NPHP3: variants seen among roughly 807,000 people sequenced by gnomAD.
NPHP3 encodes nephrocystin 3, also known as nephrocystin-3.
In NPHP3, 123 loss-of-function variants were observed where a neutral mutation model predicts 171.9. That is an observed-to-expected ratio of 0.72 (90% CI 0.62 to 0.83). NPHP3 has a LOEUF of 0.83. Ranked by LOEUF, NPHP3 falls within the 40% of genes least tolerant of loss-of-function variation. NPHP3 has a pLI of 0.00. For synonymous variants in NPHP3, 558 were observed against 579.2 expected (o/e 0.96, Z 0.52); for missense variants, 1,506 against 1,591.9 (o/e 0.95, Z 0.92).
At chr3:132,694,377 GTT>G (rs1491341290) in intron 16 of NPHP3, among the ~76,000 whole-genome samples, 75 of 121,404 alleles carry the variant, frequency 6.2e-4, no homozygotes, top group African/African-American at 2.1e-3. Flanking sequence ...GTGTGTGTGT[GTT>G]TACACACACA....
intron 6 of NPHP3, among the ~76,000 whole-genome samples, chr3:132,711,741 A>G (rs944777247): frequency 1.8e-4 from 27 of 152,220 alleles, no homozygotes; most frequent in Non-Finnish European, 3.1e-4. Context: ...AAGTAATAAG[A>G]TAAGATATAT....
At position 132,681,611 on chromosome 3, in the gene NPHP3, C is replaced by A; in HGVS notation, c.*299G>T. The A allele has an allele frequency of 2.8e-6, 1 of 356,204 alleles. No individual in the cohort carries two copies. 22.1% of individuals were successfully genotyped at this position (356,204 alleles called of 1,614,324 possible). On this transcript the variant is annotated 3_prime_UTR_variant, in exon 27 of 27. Transcript: ENST00000337331. ...GAACTCCTTGTCTTAACTACTCTGCCAGCTCTTGTTGAACAAAGACCAATC... is the reference window on the plus strand; with the variant it reads ...GAACTCCTTGTCTTAACTACTCTGCAAGCTCTTGTTGAACAAAGACCAATC...
intron 22 of NPHP3, 148 bp downstream of exon 22, chr3:132,687,003 C>A: frequency 1.8e-6 from 1 of 559,058 alleles, no homozygotes; most frequent in Non-Finnish European, 3.2e-6. Flanking sequence ...GATATTTTAA[C>A]ACATAAATAA....
chr3:132,687,283 G>T (rs928075551), intron 21 of NPHP3, 57 bp from the exon 22 acceptor site: 5 of 797,570 alleles, frequency 6.3e-6, no homozygotes, highest in Non-Finnish European at 1.1e-5. Context: ...GTATACTTCA[G>T]TGAAATGAAA....
intron 15 of NPHP3, 49 bp from the exon 16 acceptor site, chr3:132,695,014 G>C (rs761770862): frequency 1.2e-6 from 2 of 1,600,646 alleles, no homozygotes; most frequent in Non-Finnish European, 1.7e-6. Flanking sequence ...GCCAACATCT[G>C]TGAAAATTTT....
chr3:132,694,874 T>G lies in NPHP3; in HGVS notation c.2263A>C (p.Ile755Leu), dbSNP rs772613405. 8.7e-6 allele frequency: 14 copies of G among 1,613,682 alleles called. No individual in the cohort carries two copies. The highest frequency in any genetic ancestry group is 2.7e-5 in the African/African-American group (2 of 74,918). Reference protein sequence around the residue: ...LSLYRLVLHSIRESMANDVDK... With the variant: ...LSLYRLVLHSLRESMANDVDK... Reference sequence around the variant, plus strand: ...ACATCATTTGCCATGGACTCCCGGATAGAGTGCAGAACAAGTCTATATAAT... The same window carrying G: ...ACATCATTTGCCATGGACTCCCGGAGAGAGTGCAGAACAAGTCTATATAAT... Residue 755 changes from isoleucine to leucine, a missense_variant, in exon 16 of 27, where the codon ATC (isoleucine) becomes CTC (leucine). Ile to Leu is a conservative substitution (Grantham distance 5). This residue lies in a region of NPHP3 where 930 missense variants were observed against 924.9 expected (regional missense o/e 1.01). Transcript: ENST00000337331.
Position 132,704,183 on chromosome 3 carries a change from A to G in NPHP3, c.1524+15T>C. 6.2e-7 allele frequency: 1 copy of G among 1,613,020 alleles called. No individual in the cohort carries two copies. Among genetic ancestry groups the G allele is most frequent in the East Asian group, 2.2e-5 (1 of 44,868 alleles). ...GGTGACAGATCTTTGTTGCAATAAT[A>G]CTCCAAGCACTTACTTTCTCAAATC... On this transcript the variant is annotated intron_variant, in intron 9 of 26. Transcript: ENST00000337331.
At chr3:132,684,942 C>G in intron 23 of NPHP3, 148 bp from the exon 24 acceptor site, 1 of 904,086 alleles carries the variant, frequency 1.1e-6, no homozygotes, top group Non-Finnish European at 1.7e-6. Flanking sequence ...CTTTCCCCCT[C>G]TTCCCCACCC....
At position 132,686,408 on chromosome 3, in the gene NPHP3, G is replaced by A. The variant is rs1399622842; in HGVS notation, c.3202-21C>T. 3.1e-6 allele frequency: 5 copies of A among 1,613,552 alleles called. No individual in the cohort carries two copies. In the East Asian group the frequency reaches 1.1e-4, roughly 36 times the overall value. On this transcript the variant is annotated intron_variant, in intron 22 of 26. Coordinates refer to ENST00000337331, the MANE Select transcript of NPHP3 (RefSeq NM_153240.5). ...CCGTACTGCAGCAAACATGAAAAAT[G>A]AAAAGCAATCACTAAGTAGGTGCAA...
Position 132,705,760 on chromosome 3 carries a change from C to T in NPHP3, c.1330G>A (p.Val444Ile), listed in dbSNP as rs921931732. Residue 444 changes from valine (V) to isoleucine (I), a missense_variant, in exon 8 of 27, where the codon GTA (valine) becomes ATA (isoleucine). Val to Ile is a conservative substitution (Grantham distance 29, BLOSUM62 3). Around this residue, in one of 3 missense-constraint regions of NPHP3, gnomAD observed 930 missense variants for 924.9 expected, o/e 1.01. Transcript: ENST00000337331. ...TTTACCTGTTTAATAATCTTTTCTA[C>T]ACAAATATAAGTTTTATATACTCCT... ...AEGVYKTYIC[V>I]EKIIKQDILG... 4 of 1,463,036 alleles carry T rather than the reference C, an allele frequency of 2.7e-6. No individual in the cohort carries two copies. The highest frequency in any genetic ancestry group is 1.4e-5 in the African/African-American group (1 of 71,836). 90.6% of individuals were successfully genotyped at this position (1,463,036 alleles called of 1,614,324 possible).
chr3:132,682,665 A>G (rs1475470726), intron 26 of NPHP3, 38 bp downstream of exon 26: 1 of 1,143,510 alleles, frequency 8.7e-7, no homozygotes, highest in Non-Finnish European at 1.3e-6. Flanking sequence ...TACTTCGAAT[A>G]AAAGAGGCTG....
intron 16 of NPHP3, 70 bp downstream of exon 16, chr3:132,694,757 G>A (rs1344413056): frequency 6.4e-7 from 1 of 1,552,578 alleles, no homozygotes; most frequent in Non-Finnish European, 8.8e-7. Flanking sequence ...TAAAAGAATT[G>A]TTATTTATTT....
At chr3:132,709,132 T>C (rs542698888) in intron 6 of NPHP3, among the ~76,000 whole-genome samples, 1 of 151,986 alleles carries the variant, frequency 6.6e-6, no homozygotes, top group Admixed American at 6.5e-5. Flanking sequence ...GTGACTGAGG[T>C]GAAGGTAAAA....
chr3:132,714,126 G>T (rs1365857231), intron 5 of NPHP3, among the ~76,000 whole-genome samples: 1 of 152,256 alleles, frequency 6.6e-6, no homozygotes, highest in Non-Finnish European at 1.5e-5. Flanking sequence ...AATTGGTGTT[G>T]TAGTGCTGCC....
At chr3:132,709,600 T>C (rs1939855633) in intron 6 of NPHP3, among the ~76,000 whole-genome samples, 1 of 152,112 alleles carries the variant, frequency 6.6e-6, no homozygotes. Context: ...ACTGGGGTTT[T>C]CTACACAACA....
intron 22 of NPHP3, 44 bp from the exon 23 acceptor site, chr3:132,686,431 C>G: frequency 1.2e-6 from 2 of 1,612,492 alleles, no homozygotes; most frequent in Admixed American, 1.7e-5. Context: ...TAAGTAGGTG[C>G]AATCCTTGAT....
In NPHP3 at chr3:132,697,382, A is replaced by C. The variant is rs372668523; in HGVS notation, c.1986-20T>G. 1.3e-5 allele frequency: 20 copies of C among 1,507,698 alleles called. No individual in the cohort carries two copies. The highest frequency in any genetic ancestry group is 1.7e-5 in the Non-Finnish European group (18 of 1,088,524). 93.4% of individuals were successfully genotyped at this position (1,507,698 alleles called of 1,614,324 possible). Reference sequence around the variant, plus strand: ...CACAACCTTTTATGTAAAGAAAAGAAAAATGAAATTTTAATAATACAACAA... The same window carrying C: ...CACAACCTTTTATGTAAAGAAAAGACAAATGAAATTTTAATAATACAACAA... On this transcript the variant is annotated intron_variant, in intron 13 of 26. Coordinates refer to ENST00000337331, the MANE Select transcript of NPHP3 (RefSeq NM_153240.5).
chr3:132,683,545 C>A (rs896633163), intron 24 of NPHP3, 21 bp from the exon 25 acceptor site: 49 of 1,598,896 alleles, frequency 3.1e-5, no homozygotes, highest in Non-Finnish European at 3.9e-5. Context: ...AGAGTTAAAT[C>A]TAACAAAAAT....
chr3:132,689,265 T>C lies in NPHP3; in HGVS notation c.2694-2A>G. ...CTCAGCAACTCAGCAAAGTGTCCCCTGTTTCAACAAATAACAGTACTTTAA... is the reference window on the plus strand; with the variant it reads ...CTCAGCAACTCAGCAAAGTGTCCCCCGTTTCAACAAATAACAGTACTTTAA... On this transcript the variant is annotated splice_acceptor_variant, in intron 19 of 26. Coordinates refer to ENST00000337331, the MANE Select transcript of NPHP3 (RefSeq NM_153240.5). LOFTEE classifies it high-confidence loss of function. The C allele has an allele frequency of 2.5e-6, 4 of 1,613,282 alleles. No homozygotes were observed. Among genetic ancestry groups the C allele is most frequent in the Non-Finnish European group, 3.4e-6 (4 of 1,179,272 alleles).
Sources: allele counts gnomAD v4.1 joint callset (sites outside exome capture counted in the v4.1 genomes callset), GRCh38; gene constraint gnomAD v4.1.1; regional missense constraint gnomAD v4.1.1; transcripts MANE v1.5; gene names NCBI Gene and HGNC (gene_info 2026-07-23, HGNC 2026-07-21).